BRF1: variants seen among roughly 807,000 people sequenced by gnomAD.
BRF1 encodes transcription factor IIIB 90 kDa subunit.
In BRF1, 59 loss-of-function variants were observed where a neutral mutation model predicts 81.7. The ratio of observed to expected loss-of-function variants is 0.72; its 90% confidence interval spans 0.59 to 0.90. BRF1 has a LOEUF of 0.90. BRF1 is among the 40% of genes least tolerant of loss of function. The pLI, the probability that BRF1 is intolerant of heterozygous loss-of-function variation, is 0.00. For missense variants in BRF1, 1,050 were observed against 936.3 expected, an observed-to-expected ratio of 1.12 and a Z score of -1.58; for synonymous variants, 491 against 395.6, an observed-to-expected ratio of 1.24 and a Z score of -2.86.
rs765513833 is a variant in BRF1, at chr14:105,226,103, C to T, written c.1014G>A (p.Lys338=). 2 of 1,613,916 alleles carry T rather than the reference C, an allele frequency of 1.2e-6. No homozygotes were observed. Among genetic ancestry groups the T allele is most frequent in the South Asian group, 1.1e-5 (1 of 91,084 alleles). Residue 338 remains lysine, a synonymous_variant, in exon 10 of 18, where the codon AAG becomes AAA. Coordinates refer to ENST00000547530, the MANE Select transcript of BRF1 (RefSeq NM_001519.4). ...CCAGGCTGGCCAGGCCCCCCTTGGC[C>T]TTTGGCCGGCTGTTTTCTAGTTCAA... ...IEIELENSRP[K]AKGGLASLAK... is the part of the protein sequence containing the mutation.
chr14:105,251,928 G>T (rs2055638974), intron 5 of BRF1, among the ~76,000 whole-genome samples: 1 of 151,946 alleles, frequency 6.6e-6, no homozygotes, highest in African/African-American at 2.4e-5. Context: ...ATCAAGAAAG[G>T]CATACAGGAG....
At chr14:105,296,456 T>C (rs2057749831) in intron 1 of BRF1, among the ~76,000 whole-genome samples, 1 of 151,314 alleles carries the variant, frequency 6.6e-6, no homozygotes, top group African/African-American at 2.4e-5. Context: ...GAGCTTACAG[T>C]GAGCCGAGAT....
chr14:105,216,426 G>A lies in BRF1; in HGVS notation c.1772+1118C>T, dbSNP rs774739596. 5.1e-4 allele frequency among the ~76,000 whole-genome samples: 78 copies of A among 152,188 alleles called. 1 individual carries two copies. The highest frequency in any genetic ancestry group is 2.1e-4 in the Non-Finnish European group (14 of 68,016). ...CACCTCTGCCCCACTGACCTCCTAC[G>A]CATGCCAGGAGCTGTGCTAGGAATG... On this transcript the variant is annotated intron_variant, in intron 15 of 17. Transcript: ENST00000547530.
At chr14:105,241,074 CA>C (rs2054578061) in intron 6 of BRF1, among the ~76,000 whole-genome samples, 190 bp downstream of exon 6, 1 of 152,232 alleles carries the variant, frequency 6.6e-6, no homozygotes, top group African/African-American at 2.4e-5. Context: ...ACGCAGAGGC[CA>C]ACGGGGCAGC....
At chr14:105,282,145 C>G (rs2057132388) in intron 2 of BRF1, among the ~76,000 whole-genome samples, 1 of 152,216 alleles carries the variant, frequency 6.6e-6, no homozygotes. Context: ...CAGATGCTCC[C>G]CACATTCCAT....
At chr14:105,299,545 A>G (rs1054406815) in intron 1 of BRF1, among the ~76,000 whole-genome samples, 2 of 152,250 alleles carry the variant, frequency 1.3e-5, no homozygotes, top group African/African-American at 2.4e-5. Context: ...ATTGCACACC[A>G]GCCTGGGCCA....
At chr14:105,270,174 C>CT (rs56662868) in intron 3 of BRF1, among the ~76,000 whole-genome samples, 143 of 115,300 alleles carry the variant, frequency 1.2e-3, no homozygotes, top group South Asian at 5.4e-3. Flanking sequence ...GTTGAAAGGA[C>CT]TTTTTTTTTT....
chr14:105,313,446 G>A (rs1392054753), intron 1 of BRF1, among the ~76,000 whole-genome samples: 1 of 152,230 alleles, frequency 6.6e-6, no homozygotes, highest in African/African-American at 2.4e-5. Context: ...CCACCTTAGA[G>A]GAGCCAGGGG....
At chr14:105,248,582 C>A (rs1384154005) in intron 5 of BRF1, 4 of 147,628 alleles carry the variant, frequency 2.7e-5, no homozygotes, top group Non-Finnish European at 3.2e-5. Flanking sequence ...GGCGGGCGGG[C>A]GGGCGGGACG....
intron 5 of BRF1, among the ~76,000 whole-genome samples, chr14:105,243,274 T>C (rs28454985): frequency 0.3 from 44,423 of 146,970 alleles, 7,082 homozygotes; most frequent in African/African-American, 0.38. Flanking sequence ...AACCCAGTCT[T>C]TACTAAAATA....
At chr14:105,290,407 G>C (rs1477658125) in intron 1 of BRF1, among the ~76,000 whole-genome samples, 9 of 152,158 alleles carry the variant, frequency 5.9e-5, no homozygotes, top group African/African-American at 2.2e-4. Context: ...CAACAAGAGC[G>C]AAACTCCATC....
At chr14:105,312,348 C>T (rs1253565602) in intron 1 of BRF1, among the ~76,000 whole-genome samples, 1 of 152,182 alleles carries the variant, frequency 6.6e-6, no homozygotes, top group Non-Finnish European at 1.5e-5. Flanking sequence ...ATAATAACTC[C>T]CACAACCTCC....
intron 1 of BRF1, among the ~76,000 whole-genome samples, chr14:105,299,402 C>A (rs1222796945): frequency 1.2e-4 from 18 of 152,002 alleles, no homozygotes; most frequent in Admixed American, 3.3e-4. Flanking sequence ...GACCTTGTCT[C>A]TACTAAAAAT....
chr14:105,297,369 C>T (rs1261948438), intron 1 of BRF1, among the ~76,000 whole-genome samples: 1 of 151,896 alleles, frequency 6.6e-6, no homozygotes, highest in Non-Finnish European at 1.5e-5. Context: ...GAGTTCGAGA[C>T]CAGCCTGGCC....
At chr14:105,250,403 G>C in intron 5 of BRF1, 1 of 1,613,884 alleles carries the variant, frequency 6.2e-7, no homozygotes, top group African/African-American at 1.3e-5. Context: ...GCTCGGGGTG[G>C]TTCTGGCTCA....
chr14:105,303,916 C>T (rs1024590323), upstream of BRF1, among the ~76,000 whole-genome samples: 5 of 152,226 alleles, frequency 3.3e-5, no homozygotes, highest in African/African-American at 1.2e-4. Flanking sequence ...TGAGGGGTGA[C>T]AGCCCCAAAT....
intron 3 of BRF1, among the ~76,000 whole-genome samples, chr14:105,268,616 G>C (rs1200723097): frequency 1.3e-5 from 2 of 152,232 alleles, no homozygotes; most frequent in African/African-American, 2.4e-5. Context: ...TGTTCCTTCT[G>C]AGAGAGGATT....
chr14:105,256,633 G>C, intron 3 of BRF1, 84 bp from the exon 4 acceptor site: 1 of 1,561,750 alleles, frequency 6.4e-7, no homozygotes, highest in Non-Finnish European at 8.7e-7. Context: ...CCGCAGGACT[G>C]CACCTGCAGG....
At chr14:105,229,297 G>A (rs1056232714) in intron 6 of BRF1, among the ~76,000 whole-genome samples, 5 of 152,214 alleles carry the variant, frequency 3.3e-5, no homozygotes, top group Non-Finnish European at 7.3e-5. Flanking sequence ...GCCACAGCTG[G>A]CAGCTGACAC....
Sources: allele counts gnomAD v4.1 joint callset (sites outside exome capture counted in the v4.1 genomes callset), GRCh38; gene constraint gnomAD v4.1.1; transcripts MANE v1.5; gene names NCBI Gene and HGNC (gene_info 2026-07-23, HGNC 2026-07-21).